The following FRYL variants were observed in gnomAD, a reference collection of about 807,000 sequenced individuals.
FRYL encodes the protein protein furry homolog-like.
Under a neutral mutation model 351.2 loss-of-function variants are expected in FRYL, and 150 were observed. The ratio of observed to expected loss-of-function variants is 0.43; its 90% CI spans 0.37 to 0.49. The LOEUF is 0.49. Among genes scored for constraint, FRYL ranks in the 20% least tolerant of loss-of-function variants. FRYL has a pLI of 0.00. For synonymous variants in FRYL, 1,153 were observed against 1,257.1 expected (o/e 0.92, Z 1.75); for missense variants, 3,036 against 3,619.3 (o/e 0.84, Z 4.13).
rs144557409 is a variant in FRYL at position 48,579,879 on chromosome 4, C to T, written c.2260-638G>A. ...GAAGAGAGGCTTTTAAAGGTTCTTA[C>T]CACAAATAAATGATAAACACATGAG... On this transcript the variant is annotated intron_variant, in intron 22 of 63. Transcript: ENST00000358350. Among the ~76,000 whole-genome samples the T allele has an allele frequency of 4.5e-4, 69 of 151,964 alleles. 1 individual carries two copies. The highest frequency in any genetic ancestry group is 8.5e-4 in the Non-Finnish European group (58 of 67,904).
chr4:48,525,767 T>A (rs1211842351), intron 53 of FRYL, among the ~76,000 whole-genome samples: 1 of 150,504 alleles, frequency 6.6e-6, no homozygotes, highest in African/African-American at 2.4e-5. Flanking sequence ...ATGTGTATGA[T>A]CTGTATGAGT....
intron 56 of FRYL, 60 bp downstream of exon 56, chr4:48,514,968 T>TG (rs1723258271): frequency 3.5e-6 from 5 of 1,434,438 alleles, no homozygotes; most frequent in Non-Finnish European, 4.7e-6. Flanking sequence ...GGGCACTCTT[T>TG]GGAAGGAATA....
chr4:48,712,521 A>C (rs538379372), intron 1 of FRYL, among the ~76,000 whole-genome samples: 1 of 152,330 alleles, frequency 6.6e-6, no homozygotes, highest in South Asian at 2.1e-4. Flanking sequence ...TTAGAGAAAA[A>C]AGAATAAAAA....
chr4:48,643,376 T>C (rs1377822434), intron 3 of FRYL, among the ~76,000 whole-genome samples: 1 of 152,232 alleles, frequency 6.6e-6, no homozygotes, highest in Non-Finnish European at 1.5e-5. Flanking sequence ...CTTAGGCTGC[T>C]TTCCCTTCCA....
intron 33 of FRYL, among the ~76,000 whole-genome samples, chr4:48,560,260 T>C (rs1266857042): frequency 1.3e-5 from 2 of 152,138 alleles, no homozygotes; most frequent in African/African-American, 4.8e-5. Flanking sequence ...TGCAGTAAAA[T>C]TCTGAATGAA....
At chr4:48,689,425 A>C (rs866505372) in intron 2 of FRYL, among the ~76,000 whole-genome samples, 1 of 152,212 alleles carries the variant, frequency 6.6e-6, no homozygotes, top group African/African-American at 2.4e-5. Flanking sequence ...TTATCATATA[A>C]ATCTTTCCAT....
chr4:48,742,105 T>G (rs900968229), intron 1 of FRYL, among the ~76,000 whole-genome samples: 14 of 152,196 alleles, frequency 9.2e-5, no homozygotes, highest in Non-Finnish European at 1.5e-5. Flanking sequence ...AGGCTATGCA[T>G]GTGTGGGAGC....
chr4:48,623,320 A>G, intron 4 of FRYL, 141 bp from the exon 5 acceptor site: 1 of 545,450 alleles, frequency 1.8e-6, no homozygotes, highest in South Asian at 2.9e-5. Flanking sequence ...TTTTAAAGAA[A>G]GATAAGCCTC....
chr4:48,539,444 T>C (rs181226188), intron 47 of FRYL, among the ~76,000 whole-genome samples: 47 of 152,330 alleles, frequency 3.1e-4, no homozygotes, highest in East Asian at 2.1e-3. Context: ...CATTCTTCGA[T>C]AGTGATCTAA....
intron 1 of FRYL, among the ~76,000 whole-genome samples, chr4:48,746,469 C>T (rs1278490278): frequency 2.0e-5 from 3 of 150,720 alleles, no homozygotes; most frequent in Non-Finnish European, 4.4e-5. Flanking sequence ...GGCGTGAACC[C>T]GGGAGGCGGA....
chr4:48,647,375 A>G (rs1202589571), intron 3 of FRYL, among the ~76,000 whole-genome samples: 3 of 152,156 alleles, frequency 2.0e-5, no homozygotes, highest in Non-Finnish European at 4.4e-5. Flanking sequence ...TTTAACACAG[A>G]TATTATTCTG....
At chr4:48,716,585 C>A (rs1422275403) in intron 1 of FRYL, among the ~76,000 whole-genome samples, 1 of 151,604 alleles carries the variant, frequency 6.6e-6, no homozygotes, top group African/African-American at 2.4e-5. Context: ...TCATCTCACA[C>A]CAGTTAGAAT....
intron 26 of FRYL, chr4:48,571,892 C>T: frequency 1.0e-6 from 1 of 984,718 alleles, no homozygotes; most frequent in Non-Finnish European, 1.2e-6. Flanking sequence ...TAATAGCATT[C>T]CTTCTGAAAT....
Position 48,540,370 on chromosome 4 carries a change from T to C in FRYL, c.6278A>G (p.Asp2093Gly). 6.2e-7 allele frequency: 1 copy of C among 1,613,266 alleles called. No individual in the cohort carries two copies. Among genetic ancestry groups the C allele is most frequent in the Non-Finnish European group, 8.5e-7 (1 of 1,179,378 alleles). The part of the protein sequence containing the change: ...LISVSKHTLV[D>G]PSQLSGFPLN... ...AACATCACCTGACAATTGGGAAGGA[T>C]CCACCAATGTATGTTTGGAGACAGA... The change falls in exon 46 of 64, where the codon GAT becomes GGT. Residue 2093 changes from aspartate to glycine, a missense_variant. Transcript: ENST00000358350.
chr4:48,656,027 T>C (rs1758846459), intron 3 of FRYL, among the ~76,000 whole-genome samples: 1 of 136,154 alleles, frequency 7.3e-6, no homozygotes, highest in East Asian at 2.1e-4. Flanking sequence ...ATGTAAAATA[T>C]AATGTATGTA....
Position 48,562,915 on chromosome 4 carries a change from AG to A in FRYL, c.3669del (p.Tyr1224MetfsTer52). 1 of 1,603,356 alleles carries A rather than the reference AG, an allele frequency of 6.2e-7. No homozygotes were observed. Among genetic ancestry groups the A allele is most frequent in the Non-Finnish European group, 8.5e-7 (1 of 1,171,974 alleles). ...LFKAADSSRS[I>X]YEVAMQLLQI... ...TGTAAAAGTTGCATAGCAACTTCAT[AG>A]ATACTTCTAGAAGAATCAGCTGCTT... On this transcript the variant is annotated frameshift_variant, in exon 32 of 64. Coordinates refer to ENST00000358350, the MANE Select transcript of FRYL (RefSeq NM_015030.2). LOFTEE classifies it high-confidence loss of function.
intron 3 of FRYL, among the ~76,000 whole-genome samples, chr4:48,653,320 AAAC>A (rs1031526022): frequency 3.9e-5 from 6 of 152,204 alleles, no homozygotes; most frequent in African/African-American, 1.4e-4. Flanking sequence ...ATGTTGATTC[AAAC>A]AACATTCTGT....
rs1739603102 is a variant in FRYL at position 48,576,327 on chromosome 4, A to G, written c.2529-105T>C. ...TTCTTTTTTTTTTTTTTTGAGACAG[A>G]GTGTCACTCTGTCACCCAGGCCGGA... On this transcript the variant is annotated intron_variant, in intron 23 of 63. Transcript: ENST00000358350. 1.4e-5 allele frequency: 12 copies of G among 867,034 alleles called. No individual in the cohort carries two copies. The East Asian group carries it at 3.3e-4, about 24-fold the overall frequency. The allele number at this position is 867,034 out of a possible 1,614,324, so 53.7% of individuals were successfully genotyped here. A position where few individuals can be genotyped will look rare whatever the true frequency, so the allele number is the denominator to read the frequency against.
At chr4:48,612,229 T>C (rs1195114108) in intron 7 of FRYL, among the ~76,000 whole-genome samples, 1 of 152,046 alleles carries the variant, frequency 6.6e-6, no homozygotes, top group African/African-American at 2.4e-5. Flanking sequence ...AGTCTGTACC[T>C]GAATCTTTGA....
Sources: allele counts gnomAD v4.1 joint callset (sites outside exome capture counted in the v4.1 genomes callset), GRCh38; gene constraint gnomAD v4.1.1; transcripts MANE v1.5; gene names NCBI Gene and HGNC (gene_info 2026-07-23, HGNC 2026-07-21).